CAGE1: variants seen among roughly 807,000 people sequenced by gnomAD.
The protein encoded by CAGE1 is cancer antigen 1, also known as cancer-associated gene 1 protein.
Under a neutral mutation model 94.9 loss-of-function variants are expected in CAGE1, and 66 were observed. That is an observed-to-expected ratio of 0.70 (90% CI 0.57 to 0.85). CAGE1 has a LOEUF of 0.85. Among genes scored for constraint, CAGE1 ranks in the 40% least tolerant of loss-of-function variants. CAGE1 has a pLI of 0.00. For synonymous variants in CAGE1, 319 were observed against 321.0 expected (o/e 0.99, Z 0.07); for missense variants, 865 against 950.4 (o/e 0.91, Z 1.18).
intron 11 of CAGE1, among the ~76,000 whole-genome samples, chr6:7,334,682 C>T (rs1165978490): frequency 7.5e-6 from 1 of 133,916 alleles, no homozygotes; most frequent in East Asian, 2.2e-4. Context: ...GAGCCAAGAC[C>T]GTGCCACTGC....
chr6:7,340,383 G>T (rs1386050425), intron 11 of CAGE1, among the ~76,000 whole-genome samples: 2 of 152,148 alleles, frequency 1.3e-5, no homozygotes, highest in African/African-American at 4.8e-5. Flanking sequence ...TTACTTTGCT[G>T]ATTATTGCTT....
intron 11 of CAGE1, among the ~76,000 whole-genome samples, chr6:7,337,156 A>C (rs1190672947): frequency 6.6e-6 from 1 of 151,950 alleles, no homozygotes; most frequent in Non-Finnish European, 1.5e-5. Context: ...CCCCGTCTCT[A>C]CTAAAAATAC....
chr6:7,366,083 T>C (rs1760321857), intron 7 of CAGE1, among the ~76,000 whole-genome samples, 199 bp from the exon 8 acceptor site: 2 of 151,894 alleles, frequency 1.3e-5, no homozygotes, highest in African/African-American at 4.8e-5. Flanking sequence ...CTGTCTCTCC[T>C]AAAAATACCA....
Position 7,374,088 on chromosome 6 carries a change from G to T in CAGE1, c.731C>A (p.Pro244His), listed in dbSNP as rs779287645. ...CTTTTCATAACTGACTGACATCTCA[G>T]GAATCTCCCCATAATTCTGTATTTC... Reference protein sequence around the residue: ...SKEIQNYGEIPEMSVSYEKEV... With the variant: ...SKEIQNYGEIHEMSVSYEKEV... Residue 244 changes from proline (P) to histidine (H), a missense_variant, in exon 5 of 14, where the codon CCT (proline) becomes CAT (histidine). Coordinates refer to ENST00000502583, the MANE Select transcript of CAGE1 (RefSeq NM_001170692.2). The T allele has an allele frequency of 1.9e-6, 3 of 1,613,780 alleles. No homozygotes were observed. The highest frequency in any genetic ancestry group is 2.5e-6 in the Non-Finnish European group (3 of 1,179,840).
At chr6:7,386,868 C>T in intron 2 of CAGE1, 111 bp downstream of exon 2, 1 of 760,850 alleles carries the variant, frequency 1.3e-6, no homozygotes, top group Non-Finnish European at 2.1e-6. Context: ...CTTTATGTGT[C>T]CACCGAATAT....
Position 7,360,527 on chromosome 6 carries a change from A to G in CAGE1, c.2194-4398T>C, listed in dbSNP as rs189576856. On this transcript the variant is annotated intron_variant, in intron 9 of 13. Coordinates refer to ENST00000502583, the MANE Select transcript of CAGE1 (RefSeq NM_001170692.2). ...TGTCAAGGTAGACATAACATTCACC[A>G]TGAACAGTGGATAAATCAGGCATCA... Among the ~76,000 whole-genome samples, 8 of 152,364 alleles carry G rather than the reference A, an allele frequency of 5.3e-5. No homozygotes were observed. In the East Asian group the frequency reaches 1.5e-3, roughly 29 times the overall value.
intron 9 of CAGE1, among the ~76,000 whole-genome samples, chr6:7,364,496 T>A (rs1760259987): frequency 6.6e-6 from 1 of 152,136 alleles, no homozygotes; most frequent in South Asian, 2.1e-4. Flanking sequence ...TGAGACAGAG[T>A]CTTACTCTGT....
chr6:7,345,811 G>A (rs1293526819), intron 11 of CAGE1, among the ~76,000 whole-genome samples: 2 of 152,118 alleles, frequency 1.3e-5, no homozygotes, highest in African/African-American at 4.8e-5. Context: ...CATAGTCCCA[G>A]CTACTTGGGA....
chr6:7,364,467 T>C (rs1226554577), intron 9 of CAGE1, among the ~76,000 whole-genome samples: 1 of 152,036 alleles, frequency 6.6e-6, no homozygotes, highest in African/African-American at 2.4e-5. Context: ...TACTGGTTTT[T>C]TGTTTGTTTG....
intron 4 of CAGE1, 22 bp from the exon 5 acceptor site, chr6:7,374,153 G>GT: frequency 6.3e-7 from 1 of 1,577,398 alleles, no homozygotes; most frequent in Non-Finnish European, 8.6e-7. Context: ...AGTAAACAAA[G>GT]TAAGTGTGAA....
intron 13 of CAGE1, chr6:7,329,346 A>G: frequency 2.9e-6 from 1 of 349,684 alleles, no homozygotes; most frequent in Non-Finnish European, 5.1e-6. Flanking sequence ...GATGAGAAGG[A>G]GAAAGCAGTG....
intron 9 of CAGE1, among the ~76,000 whole-genome samples, chr6:7,360,832 A>G (rs1760139645): frequency 6.6e-6 from 1 of 152,124 alleles, no homozygotes; most frequent in African/African-American, 2.4e-5. Context: ...CTGTATTCTC[A>G]GCTACTTGGG....
At chr6:7,345,201 A>G (rs1255746999) in intron 11 of CAGE1, among the ~76,000 whole-genome samples, 1 of 108,070 alleles carries the variant, frequency 9.3e-6, no homozygotes, top group African/African-American at 5.3e-5. Flanking sequence ...TTGTAGTTTC[A>G]CTCTTTGAAG....
intron 12 of CAGE1, among the ~76,000 whole-genome samples, chr6:7,333,642 CTATA>C (rs773887819): frequency 3.4e-4 from 41 of 121,496 alleles, no homozygotes; most frequent in South Asian, 1.4e-3. Flanking sequence ...ATCTAACTAT[CTATA>C]TATATATATA....
chr6:7,389,506 C>T lies in CAGE1; in HGVS notation c.-328G>A, dbSNP rs929074997. The T allele has an allele frequency of 2.8e-6, 1 of 363,492 alleles. No individual in the cohort carries two copies. The highest frequency in any genetic ancestry group is 2.1e-5 in the African/African-American group (1 of 47,024). 22.5% of individuals were successfully genotyped at this position (363,492 alleles called of 1,614,324 possible). A position where few individuals can be genotyped will look rare whatever the true frequency, so the allele number is the denominator to read the frequency against. On this transcript the variant is annotated 5_prime_UTR_variant, in exon 1 of 14. Coordinates refer to ENST00000502583, the MANE Select transcript of CAGE1 (RefSeq NM_001170692.2). ...AGCCCGCGAGGCCCGAGCGACCCTA[C>T]TGTGGGTGCGGTGTCTTCCCAGAGA...
intron 10 of CAGE1, among the ~76,000 whole-genome samples, 175 bp from the exon 11 acceptor site, chr6:7,355,286 G>A (rs776077237): frequency 2.0e-5 from 3 of 152,068 alleles, no homozygotes; most frequent in Admixed American, 6.6e-5. Context: ...ATGATAACAC[G>A]CCCATTAATC....
At chr6:7,345,942 A>G (rs1759505832) in intron 11 of CAGE1, among the ~76,000 whole-genome samples, 1 of 152,182 alleles carries the variant, frequency 6.6e-6, no homozygotes, top group South Asian at 2.1e-4. Flanking sequence ...GAAAAATTAC[A>G]GTATAGCCTA....
intron 5 of CAGE1, among the ~76,000 whole-genome samples, chr6:7,371,417 T>C (rs1441778982): frequency 6.6e-6 from 1 of 152,114 alleles, no homozygotes; most frequent in African/African-American, 2.4e-5. Flanking sequence ...CTTAAAATGA[T>C]TACAGATTCA....
At chr6:7,353,696 TACACACACACACAC>T (rs59990182) in intron 11 of CAGE1, among the ~76,000 whole-genome samples, 2,820 of 139,506 alleles carry the variant, frequency 0.02, 101 homozygotes, top group African/African-American at 0.066. Flanking sequence ...TATATATATG[TACACACACACACAC>T]ACACACACAC....
Sources: allele counts gnomAD v4.1 joint callset (sites outside exome capture counted in the v4.1 genomes callset), GRCh38; gene constraint gnomAD v4.1.1; transcripts MANE v1.5; gene names NCBI Gene and HGNC (gene_info 2026-07-23, HGNC 2026-07-21).